CFAP65: variants seen among roughly 807,000 people sequenced by gnomAD.
CFAP65 encodes cilia and flagella associated protein 65.
CFAP65 carries 155 observed loss-of-function variants against 208.0 expected under a neutral mutation model. The ratio of observed to expected loss-of-function variants is 0.75; its 90% CI spans 0.65 to 0.85. The LOEUF is 0.85. CFAP65 is among the 40% of genes least tolerant of loss of function. CFAP65 has a pLI of 0.00. For synonymous variants in CFAP65, 970 were observed against 986.3 expected, an observed-to-expected ratio of 0.98 and a Z score of 0.31; for missense variants, 2,294 against 2,451.3, an observed-to-expected ratio of 0.94 and a Z score of 1.36.
chr2:219,035,689 G>C (rs767706260), intron 4 of CFAP65, 25 bp from the exon 5 acceptor site: 2 of 1,590,910 alleles, frequency 1.3e-6, no homozygotes, highest in Admixed American at 3.5e-5. Context: ...GGGAGAAGGG[G>C]GAGCAGAAAG....
At position 219,013,525 on chromosome 2, in the gene CFAP65, C is replaced by T. The variant is rs1293824079; in HGVS notation, c.3840G>A (p.Glu1280=). 1.9e-6 allele frequency: 3 copies of T among 1,598,450 alleles called. No homozygotes were observed. The Admixed American group carries it at 5.3e-5, about 28-fold the overall frequency. ...CAGTGTGCTGGGGCCTCACCAGGATCTCCCGGCCATGGGACACCTTGAAGA... is the reference window on the plus strand; with the variant it reads ...CAGTGTGCTGGGGCCTCACCAGGATTTCCCGGCCATGGGACACCTTGAAGA... ...PVLFKVSHGR[E]ILLNFIGVTV... The change falls in exon 23 of 35, where the codon GAG becomes GAA. Residue 1280 remains glutamate, a synonymous_variant. Coordinates refer to ENST00000341552, the MANE Select transcript of CFAP65 (RefSeq NM_194302.4).
rs1479782843 is a variant in CFAP65 at position 219,031,262 on chromosome 2, G to A, written c.859C>T (p.Gln287Ter). 9.3e-6 allele frequency: 15 copies of A among 1,613,834 alleles called. No individual in the cohort carries two copies. Among genetic ancestry groups the A allele is most frequent in the Non-Finnish European group, 1.3e-5 (15 of 1,179,964 alleles). ...FFTWEFSSPFQMLPATGLLEP... is the reference protein window; with the variant it reads ...FFTWEFSSPF ...AGGAGCCCCGTGGCGGGCAGCATCT[G>A]GAATGGGCTGGAGAACTCCCAGGTG... Residue 287 changes from glutamine (Q) to a stop codon, truncating the protein, a stop_gained, in exon 8 of 35, where the codon CAG becomes TAG. Coordinates refer to ENST00000341552, the MANE Select transcript of CFAP65 (RefSeq NM_194302.4). LOFTEE classifies it high-confidence loss of function. This position sits in a 1 kb window ranked among gnomAD's most constrained non-coding sequence, Gnocchi z 5.2.
intron 5 of CFAP65, 106 bp downstream of exon 5, chr2:219,035,374 A>G: frequency 6.3e-7 from 1 of 1,599,576 alleles, no homozygotes; most frequent in Non-Finnish European, 8.5e-7. Flanking sequence ...TGGCTTTTAT[A>G]TGGCATGTTA....
At position 219,029,482 on chromosome 2, in the gene CFAP65, C is replaced by G. The variant is rs536579427; in HGVS notation, c.1571G>C (p.Arg524Pro). The G allele has an allele frequency of 1.9e-6, 3 of 1,613,956 alleles. No homozygotes were observed. Among genetic ancestry groups the G allele is most frequent in the African/African-American group, 1.3e-5 (1 of 74,894 alleles). The part of the protein sequence containing the change: ...PAFGTLVGKA[R>P]MTLHCAFQPT... Reference sequence around the variant, plus strand: ...CTGGAAGGCACAGTGCAGGGTCATACGGGCCTTGCCCACCAGCGTCCCAAA... The same window carrying G: ...CTGGAAGGCACAGTGCAGGGTCATAGGGGCCTTGCCCACCAGCGTCCCAAA... The change falls in exon 11 of 35, where the codon CGT (arginine) becomes CCT (proline). Residue 524 changes from arginine to proline, a missense_variant. By Grantham distance (103) the Arg-to-Pro change is moderately radical (BLOSUM62 -2). Coordinates refer to ENST00000341552, the MANE Select transcript of CFAP65 (RefSeq NM_194302.4).
In CFAP65 at chr2:219,020,298, T is replaced by C. The variant is rs559770176; in HGVS notation, c.3260-579A>G. On this transcript the variant is annotated intron_variant, in intron 19 of 34. Coordinates refer to ENST00000341552, the MANE Select transcript of CFAP65 (RefSeq NM_194302.4). ...CTTAGCATAATGTTTTCAAGATTCA[T>C]GCAAGTGGTGGCAGGTATTGACTTC... is the stretch of plus-strand genomic sequence containing the variant. Among the ~76,000 whole-genome samples, 4 of 152,362 alleles carry C rather than the reference T, an allele frequency of 2.6e-5. No individual in the cohort carries two copies. The South Asian group carries it at 6.2e-4, about 24-fold the overall frequency.
At chr2:219,011,998 C>A (rs1946524062) in intron 24 of CFAP65, among the ~76,000 whole-genome samples, 1 of 152,250 alleles carries the variant, frequency 6.6e-6, no homozygotes, top group Non-Finnish European at 1.5e-5. Context: ...ATAAAAGAGG[C>A]CTGTGGAAGC....
chr2:219,030,153 G>A lies in CFAP65; in HGVS notation c.1217C>T (p.Ala406Val), dbSNP rs200260682. Residue 406 changes from alanine (A) to valine (V), a missense_variant, in exon 10 of 35, where the codon GCC becomes GTC. Around this residue, in one of 2 missense-constraint regions of CFAP65, gnomAD observed 867 missense variants for 1,012.6 expected, o/e 0.86. Transcript: ENST00000341552. The part of the protein sequence containing the change: ...ISPDELAEDQ[A>V]FSCPTAHGIV... ...GCCATGGGCCGTGGGGCATGAGAAG[G>A]CCTGGTCTTCGGCCAGTTCATCCGG... 1.3e-4 allele frequency: 202 copies of A among 1,614,150 alleles called. 2 individuals are homozygous for A. Among genetic ancestry groups the A allele is most frequent in the Admixed American group, 7.5e-4 (45 of 60,028 alleles).
Position 219,021,231 on chromosome 2 carries a change from G to A in CFAP65, c.3180C>T (p.Asp1060=). 2 of 1,608,462 alleles carry A rather than the reference G, an allele frequency of 1.2e-6. No homozygotes were observed. The highest frequency in any genetic ancestry group is 1.7e-6 in the Non-Finnish European group (2 of 1,177,142). ...TEGSMPPRSQ[D]TICLTACPKQ... ...TGGGACAGGCAGTCAGGCAGATGGT[G>A]TCCTGGGACCGGGGTGGCATGCTCC... The change falls in exon 19 of 35, where the codon GAC becomes GAT. Residue 1060 remains aspartate, a synonymous_variant. Coordinates refer to ENST00000341552, the MANE Select transcript of CFAP65 (RefSeq NM_194302.4).
Position 219,005,481 on chromosome 2 carries a change from G to A in CFAP65, c.5004C>T (p.Ser1668=). Reference sequence around the variant, plus strand: ...CAACCAGGAGCTGCTTCTTCTGCTTGGAAACAGGGCCCCACTTGTTAGGGG... The same window carrying A: ...CAACCAGGAGCTGCTTCTTCTGCTTAGAAACAGGGCCCCACTTGTTAGGGG... ...EKSPNKWGPV[S]KQKKQLLVDI... The change falls in exon 32 of 35, where the codon TCC becomes TCT. Residue 1668 remains serine, a synonymous_variant. Coordinates refer to ENST00000341552, the MANE Select transcript of CFAP65 (RefSeq NM_194302.4). The A allele has an allele frequency of 6.2e-7, 1 of 1,613,738 alleles. No homozygotes were observed.
At chr2:219,029,946 T>C (rs1255213388) in intron 10 of CFAP65, 40 bp downstream of exon 10, 2 of 1,579,108 alleles carry the variant, frequency 1.3e-6, no homozygotes, top group Admixed American at 1.7e-5. Context: ...CAGCAGGGGC[T>C]GCTCCTGTCC....
Position 219,013,589 on chromosome 2 carries a change from G to T in CFAP65, c.3780-4C>A. 2 of 1,595,316 alleles carry T rather than the reference G, an allele frequency of 1.3e-6. No homozygotes were observed. Among genetic ancestry groups the T allele is most frequent in the South Asian group, 2.3e-5 (2 of 87,456 alleles). Reference sequence around the variant, plus strand: ...ATCAGTACCGATGAACAGGTGGCTAGAAAGAAACAGATAAGTCTGGGAGTG... The same window carrying T: ...ATCAGTACCGATGAACAGGTGGCTATAAAGAAACAGATAAGTCTGGGAGTG... On this transcript the variant is annotated splice_polypyrimidine_tract_variant and splice_region_variant and intron_variant, in intron 22 of 34. Transcript: ENST00000341552.
Position 219,003,051 on chromosome 2 carries a change from G to T in CFAP65, c.5694-30C>A. 2 of 1,551,872 alleles carry T rather than the reference G, an allele frequency of 1.3e-6. No homozygotes were observed. Among genetic ancestry groups the T allele is most frequent in the East Asian group, 2.4e-5 (1 of 41,136 alleles). On this transcript the variant is annotated intron_variant, in intron 34 of 34. Coordinates refer to ENST00000341552, the MANE Select transcript of CFAP65 (RefSeq NM_194302.4). This position sits in a 1 kb window ranked among gnomAD's most constrained non-coding sequence, Gnocchi z 4.4. ...AAGACAAAAAGTCCCAGGTAGGCGTGGGGGCGAGGCTTCGGGCAGAGCCTG... is the reference window on the plus strand; with the variant it reads ...AAGACAAAAAGTCCCAGGTAGGCGTTGGGGCGAGGCTTCGGGCAGAGCCTG...
Position 219,006,103 on chromosome 2 carries a change from G to A in CFAP65, c.4840C>T (p.Leu1614=), listed in dbSNP as rs1945952069. The change falls in exon 31 of 35, where the codon CTG becomes TTG. Residue 1614 remains leucine, a synonymous_variant. Transcript: ENST00000341552. ...GCATGGGCTCGGGCAGTAAGGCCCAGGCAGAGCATGCCTGGCGAGGGTGGC... is the reference window on the plus strand; with the variant it reads ...GCATGGGCTCGGGCAGTAAGGCCCAAGCAGAGCATGCCTGGCGAGGGTGGC... ...PQPPSPGMLC[L]GLTARAHATD... is the part of the protein sequence containing the mutation. 2 of 1,613,656 alleles carry A rather than the reference G, an allele frequency of 1.2e-6. No individual in the cohort carries two copies. The highest frequency in any genetic ancestry group is 2.2e-5 in the East Asian group (1 of 44,884).
chr2:219,005,483 A>T lies in CFAP65; in HGVS notation c.5002T>A (p.Ser1668Thr). ...ACCAGGAGCTGCTTCTTCTGCTTGG[A>T]AACAGGGCCCCACTTGTTAGGGGAT... ...EKSPNKWGPV[S>T]KQKKQLLVDI... Residue 1668 changes from serine to threonine, a missense_variant, in exon 32 of 35, where the codon TCC becomes ACC. Coordinates refer to ENST00000341552, the MANE Select transcript of CFAP65 (RefSeq NM_194302.4). 1 of 1,613,640 alleles carries T rather than the reference A, an allele frequency of 6.2e-7. No homozygotes were observed. The highest frequency in any genetic ancestry group is 8.5e-7 in the Non-Finnish European group (1 of 1,179,948).
chr2:219,032,556 A>G lies in CFAP65; in HGVS notation c.559T>C (p.Phe187Leu). The G allele has an allele frequency of 6.2e-7, 1 of 1,602,284 alleles. No individual in the cohort carries two copies. The highest frequency in any genetic ancestry group is 8.5e-7 in the Non-Finnish European group (1 of 1,174,444). ...KMKYRPPKTK[F>L]FFTVIPQPIF... ...GGCTGAGGGATGACCGTGAAGAAGAACTTGGTCTTGGGGGGCCTGCAGGAG... is the reference window on the plus strand; with the variant it reads ...GGCTGAGGGATGACCGTGAAGAAGAGCTTGGTCTTGGGGGGCCTGCAGGAG... Residue 187 changes from phenylalanine (F) to leucine (L), a missense_variant, in exon 6 of 35, where the codon TTC becomes CTC. Physicochemically the swap from Phe to Leu is conservative, Grantham distance 22 (BLOSUM62 0). Transcript: ENST00000341552. This position sits in a 1 kb window ranked among gnomAD's most constrained non-coding sequence, Gnocchi z 5.5.
chr2:219,014,401 A>G (rs994991171), intron 21 of CFAP65: 3 of 173,286 alleles, frequency 1.7e-5, no homozygotes, highest in Non-Finnish European at 3.7e-5. Flanking sequence ...TGGGACACCT[A>G]GGAAGGCTGG....
Position 219,002,847 on chromosome 2 carries a change from A to G in CFAP65, c.*90T>C. The G allele has an allele frequency of 1.7e-6, 2 of 1,211,978 alleles. No homozygotes were observed. Among genetic ancestry groups the G allele is most frequent in the South Asian group, 2.6e-5 (2 of 77,154 alleles). 75.1% of individuals were successfully genotyped at this position (1,211,978 alleles called of 1,614,324 possible). On this transcript the variant is annotated 3_prime_UTR_variant, in exon 35 of 35. Coordinates refer to ENST00000341552, the MANE Select transcript of CFAP65 (RefSeq NM_194302.4). This position sits in a 1 kb window ranked among gnomAD's most constrained non-coding sequence, Gnocchi z 7.9. ...TCGGGGAAATAAAGTCAAGGTAGAT[A>G]CAGAAAAAAGACTAGATGCTTTTAC...
At position 219,019,441 on chromosome 2, in the gene CFAP65, G is replaced by T. The variant is rs1574582027; in HGVS notation, c.3473+65C>A. ...CTTGTTCTGGGAGTCTGGGCAGAAAGCTCCATGAACATCCCTAGATAGGCC... is the reference window on the plus strand; with the variant it reads ...CTTGTTCTGGGAGTCTGGGCAGAAATCTCCATGAACATCCCTAGATAGGCC... On this transcript the variant is annotated intron_variant, in intron 20 of 34. Transcript: ENST00000341552. 2.9e-6 allele frequency: 4 copies of T among 1,368,546 alleles called. No homozygotes were observed. The East Asian group carries it at 9.8e-5, about 34-fold the overall frequency. The allele number at this position is 1,368,546 out of a possible 1,614,324, so 84.8% of individuals were successfully genotyped here. A position where few individuals can be genotyped will look rare whatever the true frequency, so the allele number is the denominator to read the frequency against.
At position 219,004,189 on chromosome 2, in the gene CFAP65, T is replaced by C; in HGVS notation, c.5318A>G (p.Glu1773Gly). 2 of 1,613,872 alleles carry C rather than the reference T, an allele frequency of 1.2e-6. No homozygotes were observed. Among genetic ancestry groups the C allele is most frequent in the Non-Finnish European group, 8.5e-7 (1 of 1,179,960 alleles). ...GEEEKGEEEEEELEEEEEEEE... is the reference protein window; with the variant it reads ...GEEEKGEEEEGELEEEEEEEE... ...TTCCTCCTCTTCCTCCTCCAACTCT[T>C]CTTCTTCCTCTTCACCCTTCTCCTC... Residue 1773 changes from glutamate to glycine, a missense_variant, in exon 33 of 35, where the codon GAA becomes GGA. Glu to Gly is a moderately conservative substitution (Grantham distance 98, BLOSUM62 -2). This residue lies in a region of CFAP65 where 1,427 missense variants were observed against 1,438.7 expected (regional missense o/e 0.99). Transcript: ENST00000341552. The surrounding 1 kb of genome is among the most constrained non-coding windows in gnomAD (Gnocchi z 4.7).
Sources: allele counts gnomAD v4.1 joint callset (sites outside exome capture counted in the v4.1 genomes callset), GRCh38; gene constraint gnomAD v4.1.1; regional missense constraint gnomAD v4.1.1; non-coding constraint Gnocchi (gnomAD v3.1); transcripts MANE v1.5; gene names NCBI Gene and HGNC (gene_info 2026-07-23, HGNC 2026-07-21).